The following HRH1 variants were observed in gnomAD, a reference collection of about 807,000 sequenced individuals.
HRH1 encodes the protein histamine receptor H1, also known as histamine H1 receptor.
HRH1 carries 6 observed loss-of-function variants against 10.3 expected under a neutral mutation model. That is an observed-to-expected ratio of 0.58 (90% CI 0.32 to 1.15). HRH1 has a LOEUF of 1.15. Ranked by LOEUF, HRH1 falls within the 50% of genes most tolerant of loss-of-function variation. The pLI is 0.05. For synonymous variants in HRH1, 242 were observed against 236.7 expected (o/e 1.02, Z -0.21); for missense variants, 514 against 615.3 (o/e 0.84, Z 1.74).
intron 1 of HRH1, among the ~76,000 whole-genome samples, chr3:11,144,881 T>TA (rs1936398532): frequency 6.6e-6 from 1 of 151,830 alleles, no homozygotes; most frequent in Admixed American, 6.6e-5. Context: ...AAAAAATATA[T>TA]AATAAATAAA....
At chr3:11,227,675 C>T (rs527627039) in intron 1 of HRH1, among the ~76,000 whole-genome samples, 1 of 152,316 alleles carries the variant, frequency 6.6e-6, no homozygotes, top group East Asian at 1.9e-4. Context: ...CTTCCTTTCA[C>T]TTCTGGAGTG....
At position 11,197,042 on chromosome 3, in the gene HRH1, G is replaced by A. The variant is rs546087090; in HGVS notation, c.-36+42488G>A. On this transcript the variant is annotated intron_variant, in intron 1 of 1. Transcript: ENST00000431010. ...CAGGAGGCTGAGGCAGGAGAGTGGC[G>A]TGAACTCAGGAGGCGGAGCTTGTAG... Among the ~76,000 whole-genome samples, 7 of 150,694 alleles carry A rather than the reference G, an allele frequency of 4.6e-5. No homozygotes were observed. In the South Asian group the frequency reaches 6.3e-4, roughly 14 times the overall value.
At chr3:11,159,328 T>C (rs915498032) in intron 1 of HRH1, among the ~76,000 whole-genome samples, 5 of 152,276 alleles carry the variant, frequency 3.3e-5, no homozygotes, top group African/African-American at 9.6e-5. Context: ...GATAATGAGG[T>C]ATCATGTTTA....
intron 1 of HRH1, among the ~76,000 whole-genome samples, chr3:11,188,544 A>G (rs1937489413): frequency 6.6e-6 from 1 of 152,134 alleles, no homozygotes; most frequent in Non-Finnish European, 1.5e-5. Context: ...GACAGAGCAA[A>G]ACCCTGTCTC....
chr3:11,216,075 A>G (rs949468849), intron 1 of HRH1, among the ~76,000 whole-genome samples: 1 of 152,172 alleles, frequency 6.6e-6, no homozygotes, highest in Non-Finnish European at 1.5e-5. Flanking sequence ...ATTAGAGGGA[A>G]CATTACCTTT....
chr3:11,175,651 A>G (rs888627282), intron 1 of HRH1, among the ~76,000 whole-genome samples: 1 of 152,248 alleles, frequency 6.6e-6, no homozygotes, highest in African/African-American at 2.4e-5. Context: ...ATATTTCACT[A>G]CGTAAGTATT....
At chr3:11,178,863 G>A (rs910758515) in intron 1 of HRH1, among the ~76,000 whole-genome samples, 2 of 152,122 alleles carry the variant, frequency 1.3e-5, no homozygotes, top group Non-Finnish European at 2.9e-5. Context: ...TTCACCTCTC[G>A]GAGTCTCAGC....
In HRH1 at chr3:11,259,488, G is replaced by A. The variant is rs745428387; in HGVS notation, c.451G>A (p.Ala151Thr). The A allele has an allele frequency of 6.2e-7, 1 of 1,614,006 alleles. No homozygotes were observed. Among genetic ancestry groups the A allele is most frequent in the Non-Finnish European group, 8.5e-7 (1 of 1,180,010 alleles). ...KTRASATILG[A>T]WFLSFLWVIP... The stretch of plus-strand genomic sequence containing the variant: ...CCGAGCCTCGGCCACCATTCTGGGG[G>A]CCTGGTTTCTCTCTTTTCTGTGGGT... Residue 151 changes from alanine (A) to threonine (T), a missense_variant, in exon 2 of 2, where the codon GCC becomes ACC. Ala to Thr is a moderately conservative substitution (Grantham distance 58). Transcript: ENST00000431010. The surrounding 1 kb of genome is among the most constrained non-coding windows in gnomAD (Gnocchi z 4.6).
At chr3:11,251,224 G>A (rs1939641675) in intron 1 of HRH1, among the ~76,000 whole-genome samples, 1 of 152,132 alleles carries the variant, frequency 6.6e-6, no homozygotes, top group Admixed American at 6.5e-5. Context: ...GCTCTCAAAG[G>A]AAAGATTCTT....
chr3:11,142,308 T>C (rs913851954), intron 1 of HRH1, among the ~76,000 whole-genome samples: 4 of 152,212 alleles, frequency 2.6e-5, no homozygotes, highest in Non-Finnish European at 5.9e-5. Context: ...CCTTCTCTTC[T>C]CTGGGCCCAG....
intron 1 of HRH1, among the ~76,000 whole-genome samples, chr3:11,227,621 A>C (rs1332443966): frequency 6.6e-6 from 1 of 152,110 alleles, no homozygotes; most frequent in African/African-American, 2.4e-5. Context: ...ACCCAGAAGG[A>C]GGCCTGTCTG....
intron 1 of HRH1, among the ~76,000 whole-genome samples, chr3:11,213,583 G>A (rs1938396606): frequency 6.6e-6 from 1 of 152,142 alleles, no homozygotes; most frequent in Non-Finnish European, 1.5e-5. Flanking sequence ...CCATCTAGGT[G>A]TCCTCCTGTG....
intron 1 of HRH1, among the ~76,000 whole-genome samples, chr3:11,236,010 TC>T (rs1939172456): frequency 6.6e-6 from 1 of 152,212 alleles, no homozygotes; most frequent in African/African-American, 2.4e-5. Flanking sequence ...GCCCCAATGT[TC>T]CTCACTGCTT....
At chr3:11,163,204 C>G (rs577615844) in intron 1 of HRH1, among the ~76,000 whole-genome samples, 8 of 152,246 alleles carry the variant, frequency 5.3e-5, no homozygotes, top group African/African-American at 1.9e-4. Context: ...CAACGTAGGC[C>G]TCCTCCTCCT....
At chr3:11,146,144 C>T (rs919562061) in intron 1 of HRH1, among the ~76,000 whole-genome samples, 3 of 152,116 alleles carry the variant, frequency 2.0e-5, no homozygotes, top group East Asian at 1.9e-4. Context: ...TCCAAGGGAT[C>T]GGTATCATTT....
chr3:11,161,305 TC>T (rs1182779998), intron 1 of HRH1, among the ~76,000 whole-genome samples: 1 of 152,266 alleles, frequency 6.6e-6, no homozygotes, highest in Non-Finnish European at 1.5e-5. Context: ...TTCAAACTTT[TC>T]CAGGCAATTT....
chr3:11,177,964 C>T (rs1937278489), intron 1 of HRH1, among the ~76,000 whole-genome samples: 1 of 152,186 alleles, frequency 6.6e-6, no homozygotes, highest in African/African-American at 2.4e-5. Context: ...AGAGTTCCAT[C>T]GGTGGGGTTT....
At chr3:11,243,477 T>C (rs575385570) in intron 1 of HRH1, among the ~76,000 whole-genome samples, 1 of 152,290 alleles carries the variant, frequency 6.6e-6, no homozygotes, top group African/African-American at 2.4e-5. Context: ...AAGAGGAGCA[T>C]GTTAGAAGTT....
chr3:11,250,685 A>T (rs1417838780), intron 1 of HRH1, among the ~76,000 whole-genome samples: 1 of 152,214 alleles, frequency 6.6e-6, no homozygotes, highest in Non-Finnish European at 1.5e-5. Context: ...TGGGAAGATC[A>T]GTAGTAGAAT....
Sources: allele counts gnomAD v4.1 joint callset (sites outside exome capture counted in the v4.1 genomes callset), GRCh38; gene constraint gnomAD v4.1.1; non-coding constraint Gnocchi (gnomAD v3.1); transcripts MANE v1.5; gene names NCBI Gene and HGNC (gene_info 2026-07-23, HGNC 2026-07-21).